The following CADM2 variants were observed in gnomAD, a reference collection of about 807,000 sequenced individuals.
The protein encoded by CADM2 is immunoglobulin superfamily member 4D.
In CADM2, 12 loss-of-function variants were observed where a neutral mutation model predicts 49.8. That is an observed-to-expected ratio of 0.24 (90% CI 0.15 to 0.39). The LOEUF (loss-of-function observed/expected upper bound fraction) is 0.39. Among genes scored for constraint, CADM2 ranks in the 10% least tolerant of loss-of-function variants. The pLI, the probability that CADM2 is intolerant of heterozygous loss-of-function variation, is 1.00. For missense variants in CADM2, 378 were observed against 492.3 expected, an observed-to-expected ratio of 0.77 and a Z score of 2.20; for synonymous variants, 214 against 175.4, an observed-to-expected ratio of 1.22 and a Z score of -1.74.
chr3:85,105,874 C>T (rs1304008060), intron 1 of CADM2, among the ~76,000 whole-genome samples: 2 of 149,486 alleles, frequency 1.3e-5, no homozygotes, highest in African/African-American at 5.0e-5. Context: ...TATTCTGACT[C>T]ATAGGTGGGA....
chr3:85,826,410 A>C (rs1268915539), intron 3 of CADM2, among the ~76,000 whole-genome samples: 1 of 152,082 alleles, frequency 6.6e-6, no homozygotes, highest in Non-Finnish European at 1.5e-5. Context: ...CATTAAAATA[A>C]CAGTAATGAA....
At chr3:85,390,980 T>C (rs17022743) in intron 1 of CADM2, among the ~76,000 whole-genome samples, 7,116 of 152,096 alleles carry the variant, frequency 0.047, 557 homozygotes, top group African/African-American at 0.16. Context: ...GCTAAATGCA[T>C]ATATTCCTAG....
At chr3:85,938,794 C>T (rs1354278982) in intron 7 of CADM2, among the ~76,000 whole-genome samples, 1 of 151,802 alleles carries the variant, frequency 6.6e-6, no homozygotes, top group African/African-American at 2.4e-5. Context: ...TATAAGTAAG[C>T]ACTTAATTTT....
At chr3:86,017,815 T>G (rs1732489955) in intron 8 of CADM2, among the ~76,000 whole-genome samples, 2 of 146,556 alleles carry the variant, frequency 1.4e-5, no homozygotes, top group Non-Finnish European at 3.0e-5. Flanking sequence ...TTATGTTATG[T>G]GTACCCTTAA....
chr3:85,510,217 T>G lies in CADM2; in HGVS notation c.62-216305T>G, dbSNP rs553441396. On this transcript the variant is annotated intron_variant, in intron 1 of 9. Transcript: ENST00000383699. The stretch of plus-strand genomic sequence containing the variant: ...AAGGAGCTATGTGTATCTAAGAATA[T>G]TTTTTCCTGCTTTAGAATTCTTCAG... Among the ~76,000 whole-genome samples, 3 of 152,120 alleles carry G rather than the reference T, an allele frequency of 2.0e-5. No homozygotes were observed. The South Asian group carries it at 6.2e-4, about 31-fold the overall frequency.
intron 1 of CADM2, among the ~76,000 whole-genome samples, chr3:85,237,364 A>G (rs1182770675): frequency 6.7e-6 from 1 of 150,374 alleles, no homozygotes; most frequent in African/African-American, 2.4e-5. Context: ...ACTCACCTCA[A>G]AAAAAAAATA....
intron 1 of CADM2, among the ~76,000 whole-genome samples, chr3:85,079,031 C>A (rs1287928608): frequency 6.6e-6 from 1 of 151,388 alleles, no homozygotes; most frequent in Non-Finnish European, 1.5e-5. Context: ...TATTGTTTTG[C>A]CAATACTGAG....
intron 8 of CADM2, among the ~76,000 whole-genome samples, chr3:85,976,158 TATTTTAAGCGGTATC>T (rs562347502): frequency 1.1e-4 from 17 of 151,610 alleles, no homozygotes; most frequent in Non-Finnish European, 2.4e-4. Flanking sequence ...TATTGGGGAA[TATTTTAAGCGGTATC>T]ATTTTACAAG....
chr3:85,435,762 G>A (rs1478399237), intron 1 of CADM2, among the ~76,000 whole-genome samples: 1 of 152,110 alleles, frequency 6.6e-6, no homozygotes, highest in African/African-American at 2.4e-5. Flanking sequence ...TTTCTCTAAT[G>A]ACCAGTGATG....
chr3:85,192,473 A>G (rs1258850583), intron 1 of CADM2, among the ~76,000 whole-genome samples: 1 of 152,018 alleles, frequency 6.6e-6, no homozygotes, highest in Non-Finnish European at 1.5e-5. Flanking sequence ...AACACCTGCC[A>G]TGTGCTAAGT....
At chr3:85,663,119 C>T (rs1032541497) in intron 1 of CADM2, among the ~76,000 whole-genome samples, 1 of 152,038 alleles carries the variant, frequency 6.6e-6, no homozygotes, top group East Asian at 1.9e-4. Flanking sequence ...GAGACCAGCT[C>T]TTACAAAGTA....
Position 86,040,028 on chromosome 3 carries a change from T to A in CADM2, c.971-25577T>A, listed in dbSNP as rs573492829. Reference sequence around the variant, plus strand: ...CAGACCTGCAGCTGAGGGTCCTGACTGTTAGAAGGAAAACTAACAAACAGA... The same window carrying A: ...CAGACCTGCAGCTGAGGGTCCTGACAGTTAGAAGGAAAACTAACAAACAGA... On this transcript the variant is annotated intron_variant, in intron 8 of 9. Transcript: ENST00000383699. Among the ~76,000 whole-genome samples, 29 of 152,280 alleles carry A rather than the reference T, an allele frequency of 1.9e-4. 1 individual carries two copies. In the South Asian group the frequency reaches 6.0e-3, roughly 32 times the overall value.
At chr3:85,665,797 A>G (rs1156992696) in intron 1 of CADM2, among the ~76,000 whole-genome samples, 1 of 151,972 alleles carries the variant, frequency 6.6e-6, no homozygotes, top group African/African-American at 2.4e-5. Flanking sequence ...TGGCTGTAAT[A>G]TGATTCTCCC....
At chr3:85,144,243 A>ACGCG (rs201457571) in intron 1 of CADM2, among the ~76,000 whole-genome samples, 26 of 98,710 alleles carry the variant, frequency 2.6e-4, no homozygotes, top group Non-Finnish European at 4.3e-4. Context: ...TTTGTTACAC[A>ACGCG]CGCACACACA....
intron 1 of CADM2, among the ~76,000 whole-genome samples, chr3:85,140,829 G>T (rs73843299): frequency 6.6e-6 from 1 of 152,228 alleles, no homozygotes; most frequent in Admixed American, 6.5e-5. Flanking sequence ...CTTTAACTTG[G>T]CAGGATTTGC....
At chr3:85,238,002 G>T (rs2042444917) in intron 1 of CADM2, among the ~76,000 whole-genome samples, 1 of 151,688 alleles carries the variant, frequency 6.6e-6, no homozygotes, top group Admixed American at 6.6e-5. Context: ...TTAAAATATA[G>T]AAATAATAAC....
chr3:85,982,657 T>C (rs1727622649), intron 8 of CADM2, among the ~76,000 whole-genome samples: 1 of 151,716 alleles, frequency 6.6e-6, no homozygotes, highest in African/African-American at 2.4e-5. Flanking sequence ...AACAATGTTA[T>C]CAATTTTACA....
chr3:85,990,639 G>A (rs188964265), intron 8 of CADM2, among the ~76,000 whole-genome samples: 1 of 152,064 alleles, frequency 6.6e-6, no homozygotes, highest in East Asian at 1.9e-4. Flanking sequence ...ACAATGGCTG[G>A]TTCACAATAA....
intron 3 of CADM2, among the ~76,000 whole-genome samples, chr3:85,855,574 T>A (rs905334407): frequency 7.2e-6 from 1 of 138,962 alleles, no homozygotes; most frequent in Non-Finnish European, 1.6e-5. Flanking sequence ...TATTTATATA[T>A]ATATAAAAAA....
Sources: allele counts gnomAD v4.1 joint callset (sites outside exome capture counted in the v4.1 genomes callset), GRCh38; gene constraint gnomAD v4.1.1; transcripts MANE v1.5; gene names NCBI Gene and HGNC (gene_info 2026-07-23, HGNC 2026-07-21).